Variants in WIPI1 observed in about 807,000 individuals in gnomAD.
WIPI1 encodes the protein WD repeat domain phosphoinositide-interacting protein 1.
Under a neutral mutation model 55.3 loss-of-function variants are expected in WIPI1, and 45 were observed. The observed-to-expected ratio is 0.81, with a 90% confidence interval of 0.64 to 1.04. WIPI1 has a LOEUF of 1.04. Among genes scored for constraint, WIPI1 ranks in the 50% least tolerant of loss-of-function variants. WIPI1 has a pLI of 0.00. For missense variants in WIPI1, 445 were observed against 559.0 expected, an observed-to-expected ratio of 0.80 and a Z score of 2.06; for synonymous variants, 195 against 217.6, an observed-to-expected ratio of 0.90 and a Z score of 0.92.
In WIPI1 at chr17:68,452,211, A is replaced by G. The variant is rs879841908; in HGVS notation, c.163+699T>C. 1.7e-4 allele frequency among the ~76,000 whole-genome samples: 26 copies of G among 152,236 alleles called. 1 individual carries two copies. The highest frequency in any genetic ancestry group is 2.8e-4 in the Non-Finnish European group (19 of 68,040). ...GGATACCGTTGCCTTCTTCAAACAA[A>G]TACTTCCAAAACTGAATCAATGTTA... On this transcript the variant is annotated intron_variant, in intron 2 of 12. Transcript: ENST00000262139.
At chr17:68,429,763 A>G (rs924331141) in intron 9 of WIPI1, among the ~76,000 whole-genome samples, 2 of 152,016 alleles carry the variant, frequency 1.3e-5, no homozygotes, top group African/African-American at 4.8e-5. Context: ...TAATTTTTGT[A>G]TTTTTAGTAG....
Position 68,435,601 on chromosome 17 carries a change from T to G in WIPI1, c.621+19A>C. ...ATCCAGCGAAACCCAGACAGAGGTG[T>G]TGGTGGGAGTGGACTCACTTTTTCA... On this transcript the variant is annotated intron_variant, in intron 6 of 12. Coordinates refer to ENST00000262139, the MANE Select transcript of WIPI1 (RefSeq NM_017983.7). 1 of 1,612,652 alleles carries G rather than the reference T, an allele frequency of 6.2e-7. No homozygotes were observed. The highest frequency in any genetic ancestry group is 1.3e-5 in the African/African-American group (1 of 75,042).
chr17:68,433,760 G>GTTTTTTTTTTTTTTTTTTT (rs556777098), intron 7 of WIPI1, among the ~76,000 whole-genome samples, 185 bp from the exon 8 acceptor site: 1 of 72,814 alleles, frequency 1.4e-5, no homozygotes, highest in Non-Finnish European at 2.3e-5. Context: ...AAGGGTCATA[G>GTTTTTTTTTTTTTTTTTTT]TTTTTTTTTT....
chr17:68,434,509 G>A (rs370364538), intron 7 of WIPI1, 47 bp downstream of exon 7: 11 of 1,604,808 alleles, frequency 6.9e-6, no homozygotes, highest in Admixed American at 3.4e-5. Context: ...CGGTCCCTGC[G>A]GGACTTCTGC....
intron 3 of WIPI1, among the ~76,000 whole-genome samples, chr17:68,449,563 C>T (rs565484382): frequency 6.6e-6 from 1 of 152,312 alleles, no homozygotes; most frequent in Admixed American, 6.5e-5. Context: ...CCATCCCCCA[C>T]CATAGAGTGA....
intron 4 of WIPI1, among the ~76,000 whole-genome samples, chr17:68,444,019 C>T (rs181732550): frequency 6.6e-6 from 1 of 152,258 alleles, no homozygotes; most frequent in Admixed American, 6.5e-5. Flanking sequence ...CCTAGCATAT[C>T]GTCGAAGTAG....
chr17:68,445,560 C>T (rs2147958883), intron 3 of WIPI1, among the ~76,000 whole-genome samples: 1 of 152,320 alleles, frequency 6.6e-6, no homozygotes, highest in East Asian at 1.9e-4. Context: ...TCCTGGGCTC[C>T]TCTCTCTGGT....
At chr17:68,435,206 CAAA>C (rs35370218) in intron 6 of WIPI1, among the ~76,000 whole-genome samples, 1 of 139,176 alleles carries the variant, frequency 7.2e-6, no homozygotes, top group Non-Finnish European at 1.5e-5. Context: ...GACTCCACCT[CAAA>C]AAAAAAAAAA....
chr17:68,426,205 G>A lies in WIPI1; in HGVS notation c.1193-30C>T, dbSNP rs147877550. Reference sequence around the variant, plus strand: ...AAACCAAGAAAGAGACATGAAACAAGCACTGGGGATCTGCTTTTATGCCAT... The same window carrying A: ...AAACCAAGAAAGAGACATGAAACAAACACTGGGGATCTGCTTTTATGCCAT... On this transcript the variant is annotated intron_variant, in intron 11 of 12. Transcript: ENST00000262139. The A allele has an allele frequency of 6.0e-4, 916 of 1,519,340 alleles. 5 individuals carry two copies. The African/African-American group carries it at 0.012, about 19-fold the overall frequency. 94.1% of individuals were successfully genotyped at this position (1,519,340 alleles called of 1,614,324 possible). A position where few individuals can be genotyped will look rare whatever the true frequency, so the allele number is the denominator to read the frequency against.
chr17:68,443,599 T>C (rs544026853), intron 4 of WIPI1, among the ~76,000 whole-genome samples: 13 of 152,152 alleles, frequency 8.5e-5, no homozygotes, highest in Non-Finnish European at 1.8e-4. Flanking sequence ...CCCTGGGAGA[T>C]GGGTATTATT....
At chr17:68,443,134 A>G (rs1057294380) in intron 4 of WIPI1, among the ~76,000 whole-genome samples, 1 of 152,104 alleles carries the variant, frequency 6.6e-6, no homozygotes, top group Non-Finnish European at 1.5e-5. Flanking sequence ...TTTTTGAGAC[A>G]GAGTCTCGAT....
chr17:68,431,760 A>ATCCGTGGGCAGGCTGAGGGGAGG (rs2083527070), intron 8 of WIPI1, among the ~76,000 whole-genome samples: 1 of 152,162 alleles, frequency 6.6e-6, no homozygotes, highest in South Asian at 2.1e-4. Context: ...ACATATGAAC[A>ATCCGTGGGCAGGCTGAGGGGAGG]CCCGTGGACA....
intron 11 of WIPI1, 67 bp from the exon 12 acceptor site, chr17:68,426,242 T>TGGCGGGGGGGGGGGGG: frequency 1.5e-6 from 1 of 668,992 alleles, no homozygotes; most frequent in Non-Finnish European, 2.2e-6. Flanking sequence ...ACCTGGCGGG[T>TGGCGGGGGGGGGGGGG]GGGGAGCGGG....
Position 68,453,057 on chromosome 17 carries a change from T to C in WIPI1, c.81-65A>G. 12 of 1,370,644 alleles carry C rather than the reference T, an allele frequency of 8.8e-6. No homozygotes were observed. In the South Asian group the frequency reaches 1.3e-4, roughly 15 times the overall value. 84.9% of individuals were successfully genotyped at this position (1,370,644 alleles called of 1,614,324 possible). On this transcript the variant is annotated intron_variant, in intron 1 of 12. Transcript: ENST00000262139. Reference sequence around the variant, plus strand: ...TTCTAACAACAGATCTGTCTGCAAATAGATGCCTTTTGCCCCCTAGCCTCA... The same window carrying C: ...TTCTAACAACAGATCTGTCTGCAAACAGATGCCTTTTGCCCCCTAGCCTCA...
intron 3 of WIPI1, among the ~76,000 whole-genome samples, chr17:68,448,132 AC>A (rs1344045127): frequency 6.6e-6 from 1 of 152,146 alleles, no homozygotes; most frequent in African/African-American, 2.4e-5. Context: ...ACAGAATAGA[AC>A]AGGACACACT....
chr17:68,451,728 C>A (rs2084507647), intron 2 of WIPI1, among the ~76,000 whole-genome samples: 1 of 152,176 alleles, frequency 6.6e-6, no homozygotes, highest in Non-Finnish European at 1.5e-5. Context: ...TCCCCCCACC[C>A]CCTATCTTGC....
chr17:68,444,682 T>TCTG, intron 3 of WIPI1, 93 bp from the exon 4 acceptor site: 1 of 1,060,894 alleles, frequency 9.4e-7, no homozygotes, highest in Non-Finnish European at 1.4e-6. Flanking sequence ...GAGTCCTAAC[T>TCTG]TGATTCTAAG....
chr17:68,451,248 T>G (rs1471980697), intron 2 of WIPI1, among the ~76,000 whole-genome samples: 2 of 152,134 alleles, frequency 1.3e-5, no homozygotes, highest in Admixed American at 6.5e-5. Flanking sequence ...CTGGCCAACA[T>G]GGCGAAACCC....
At chr17:68,424,673 T>A in intron 12 of WIPI1, 4 of 355,206 alleles carry the variant, frequency 1.1e-5, no homozygotes, top group Non-Finnish European at 2.2e-5. Flanking sequence ...GTCAGGAGTT[T>A]GAGACCAGCG....
Sources: allele counts gnomAD v4.1 joint callset (sites outside exome capture counted in the v4.1 genomes callset), GRCh38; gene constraint gnomAD v4.1.1; transcripts MANE v1.5; gene names NCBI Gene and HGNC (gene_info 2026-07-23, HGNC 2026-07-21).